Variants in CRTAP observed in about 807,000 individuals in gnomAD.
CRTAP encodes the protein cartilage-associated protein.
In CRTAP, 33 loss-of-function variants were observed where a neutral mutation model predicts 42.7. That is an observed-to-expected ratio of 0.77 (90% CI 0.59 to 1.03). The LOEUF (loss-of-function observed/expected upper bound fraction) is 1.03. Among genes scored for constraint, CRTAP ranks in the 50% least tolerant of loss-of-function variants. CRTAP has a pLI of 0.00. For missense variants in CRTAP, 613 were observed against 533.9 expected, an observed-to-expected ratio of 1.15 and a Z score of -1.46; for synonymous variants, 243 against 217.7, an observed-to-expected ratio of 1.12 and a Z score of -1.02.
chr3:33,130,830 G>A (rs538011646), intron 4 of CRTAP, among the ~76,000 whole-genome samples: 6 of 152,176 alleles, frequency 3.9e-5, no homozygotes, highest in African/African-American at 7.2e-5. Flanking sequence ...CACTGCGCCC[G>A]TCCTGTTAGT....
chr3:33,123,465 T>TC (rs1245320344), intron 2 of CRTAP, among the ~76,000 whole-genome samples: 1 of 149,962 alleles, frequency 6.7e-6, no homozygotes, highest in Non-Finnish European at 1.5e-5. Flanking sequence ...CTCTCTTCCT[T>TC]CTTCTCTGGC....
At chr3:33,117,420 G>A (rs4678686) in intron 1 of CRTAP, among the ~76,000 whole-genome samples, 127,793 of 152,138 alleles carry the variant, frequency 0.84, 53,765 homozygotes, top group East Asian at 0.97. Flanking sequence ...TGCAGCCTCA[G>A]GTGCATCATA....
intron 3 of CRTAP, among the ~76,000 whole-genome samples, chr3:33,126,907 T>C (rs2030088040): frequency 6.6e-6 from 1 of 152,228 alleles, no homozygotes; most frequent in Admixed American, 6.5e-5. Context: ...TTTGAGTTTC[T>C]GATTAGCCTT....
Position 33,144,400 on chromosome 3 carries a change from G to A in CRTAP, c.*1952G>A, listed in dbSNP as rs1215287203. ...GTTCTCTCAGGTCAGGTCTGCAGCA[G>A]AGCTCGAGACAGGGATCTGAATGCA... is the stretch of plus-strand genomic sequence containing the variant. On this transcript the variant is annotated 3_prime_UTR_variant, in exon 7 of 7. Coordinates refer to ENST00000320954, the MANE Select transcript of CRTAP (RefSeq NM_006371.5). The A allele has an allele frequency of 2.0e-5, 3 of 152,274 alleles. No homozygotes were observed. Among genetic ancestry groups the A allele is most frequent in the Non-Finnish European group, 4.4e-5 (3 of 68,070 alleles). 9.4% of individuals were successfully genotyped at this position (152,274 alleles called of 1,614,324 possible).
intron 3 of CRTAP, among the ~76,000 whole-genome samples, chr3:33,128,764 G>T (rs768582739): frequency 1.3e-5 from 2 of 152,186 alleles, no homozygotes; most frequent in Non-Finnish European, 2.9e-5. Flanking sequence ...GAAAGTGCCT[G>T]TTCCTCCACA....
Position 33,134,958 on chromosome 3 carries a change from G to A in CRTAP, c.1152+693G>A, listed in dbSNP as rs111503147. Among the ~76,000 whole-genome samples, 296 of 152,300 alleles carry A rather than the reference G, an allele frequency of 1.9e-3. 1 individual carries two copies. Among genetic ancestry groups the A allele is most frequent in the African/African-American group, 6.9e-3 (285 of 41,566 alleles). On this transcript the variant is annotated intron_variant, in intron 6 of 6. Transcript: ENST00000320954. ...GGAGCATGGGGCCAGCAAGTTTCCT[G>A]AGCCTCCAGGTCTGCTCTTCCTATA... is the stretch of plus-strand genomic sequence containing the variant.
chr3:33,117,945 TCTATTC>T (rs1365493277), intron 1 of CRTAP, among the ~76,000 whole-genome samples: 19 of 151,814 alleles, frequency 1.3e-4, no homozygotes, highest in Admixed American at 1.2e-3. Flanking sequence ...TGCCCCTCTT[TCTATTC>T]CTTTCTTTCT....
In CRTAP at chr3:33,130,025, G is replaced by T. The variant is rs2030205078; in HGVS notation, c.880G>T (p.Val294Leu). 6.2e-7 allele frequency: 1 copy of T among 1,613,776 alleles called. No homozygotes were observed. Residue 294 changes from valine (V) to leucine (L), a missense_variant, in exon 4 of 7, where the codon GTG becomes TTG. By Grantham distance (32) the Val-to-Leu change is conservative. Coordinates refer to ENST00000320954, the MANE Select transcript of CRTAP (RefSeq NM_006371.5). ...AGGAGGCTATCCGGTTGAGAAATTT[G>T]TGGCTACCATGTATCATTACTTGCA... ...VIGGYPVEKF[V>L]ATMYHYLQFA...
intron 3 of CRTAP, 126 bp from the exon 4 acceptor site, chr3:33,129,813 A>G: frequency 2.4e-6 from 2 of 832,578 alleles, no homozygotes; most frequent in South Asian, 1.4e-5. Flanking sequence ...CTGGGATTAC[A>G]GGCGTGAGCC....
At chr3:33,136,404 A>G (rs2030419687) in intron 6 of CRTAP, among the ~76,000 whole-genome samples, 1 of 152,166 alleles carries the variant, frequency 6.6e-6, no homozygotes, top group Admixed American at 6.5e-5. Context: ...CCAGTTTTTT[A>G]TACCTAGGAG....
Position 33,147,199 on chromosome 3 carries a change from T to C in CRTAP, c.*4751T>C, listed in dbSNP as rs1037500338. On this transcript the variant is annotated 3_prime_UTR_variant, in exon 7 of 7. Transcript: ENST00000320954. ...AAGTAAGCCTCAGCCAAAGGTTTTA[T>C]GCATTGGACTTCCTGTGCCTGCCCC... is the stretch of plus-strand genomic sequence containing the variant. 3 of 152,994 alleles carry C rather than the reference T, an allele frequency of 2.0e-5. No individual in the cohort carries two copies. The highest frequency in any genetic ancestry group is 1.3e-4 in the Admixed American group (2 of 15,310). 9.5% of individuals were successfully genotyped at this position (152,994 alleles called of 1,614,324 possible). A position where few individuals can be genotyped will look rare whatever the true frequency, so the allele number is the denominator to read the frequency against.
intron 1 of CRTAP, among the ~76,000 whole-genome samples, chr3:33,117,232 C>T (rs1167730014): frequency 1.3e-5 from 2 of 152,184 alleles, no homozygotes; most frequent in Non-Finnish European, 2.9e-5. Context: ...AGATAGTGCG[C>T]TGTGGCAGGA....
In CRTAP at chr3:33,129,930, T is replaced by C; in HGVS notation, c.794-9T>C. On this transcript the variant is annotated splice_polypyrimidine_tract_variant and intron_variant, in intron 3 of 6. Transcript: ENST00000320954. ...CCACTGCTCTGAAAATTTATATGTT[T>C]TGTTTCAGATCATTATGTAGAAGTT... 1 of 1,612,000 alleles carries C rather than the reference T, an allele frequency of 6.2e-7. No homozygotes were observed. Among genetic ancestry groups the C allele is most frequent in the South Asian group, 1.1e-5 (1 of 91,034 alleles).
In CRTAP at chr3:33,145,033, G is replaced by C. The variant is rs886058365; in HGVS notation, c.*2585G>C. On this transcript the variant is annotated 3_prime_UTR_variant, in exon 7 of 7. Transcript: ENST00000320954. This position sits in a 1 kb window ranked among gnomAD's most constrained non-coding sequence, Gnocchi z 4.3. ...AAGGAATAAAAGGATAGAGTGTTTG[G>C]GTTTTTGTGTAATGGTGGTTAATTG... 6.6e-6 allele frequency: 1 copy of C among 152,166 alleles called. No individual in the cohort carries two copies. Among genetic ancestry groups the C allele is most frequent in the South Asian group, 2.1e-4 (1 of 4,834 alleles). The allele number at this position is 152,166 out of a possible 1,614,324, so 9.4% of individuals were successfully genotyped here.
chr3:33,135,698 T>C (rs1003708078), intron 6 of CRTAP, among the ~76,000 whole-genome samples: 7 of 151,962 alleles, frequency 4.6e-5, no homozygotes, highest in Admixed American at 4.6e-4. Flanking sequence ...CTAATATGGA[T>C]ATTTTGGTAT....
chr3:33,119,416 C>A (rs1701387101), intron 1 of CRTAP, among the ~76,000 whole-genome samples: 1 of 152,080 alleles, frequency 6.6e-6, no homozygotes, highest in Non-Finnish European at 1.5e-5. Context: ...GAACCCAGAA[C>A]TAGCCCAACA....
chr3:33,139,154 TTAGC>T (rs1397084449), intron 6 of CRTAP, among the ~76,000 whole-genome samples: 1 of 151,352 alleles, frequency 6.6e-6, no homozygotes, highest in Non-Finnish European at 1.5e-5. Flanking sequence ...AAAAAAAAAA[TTAGC>T]TAAGTATGAT....
chr3:33,123,150 A>G (rs906417481), intron 2 of CRTAP, among the ~76,000 whole-genome samples: 5 of 152,194 alleles, frequency 3.3e-5, no homozygotes, highest in African/African-American at 7.2e-5. Context: ...AGTTTCCACT[A>G]TCTGGCATGT....
At chr3:33,138,517 T>G (rs988120434) in intron 6 of CRTAP, among the ~76,000 whole-genome samples, 8 of 152,350 alleles carry the variant, frequency 5.3e-5, no homozygotes, top group African/African-American at 1.9e-4. Flanking sequence ...CATTTTATTC[T>G]TTTTGATGCT....
Sources: allele counts gnomAD v4.1 joint callset (sites outside exome capture counted in the v4.1 genomes callset), GRCh38; gene constraint gnomAD v4.1.1; non-coding constraint Gnocchi (gnomAD v3.1); transcripts MANE v1.5; gene names NCBI Gene and HGNC (gene_info 2026-07-23, HGNC 2026-07-21).